Variants in FAM107A observed in about 807,000 individuals in gnomAD.
The protein encoded by FAM107A is family with sequence similarity 107 member A, also known as actin-associated protein FAM107A.
In FAM107A, 19 loss-of-function variants were observed where a neutral mutation model predicts 13.7. The observed-to-expected ratio is 1.38, with a 90% confidence interval of 0.97 to 2.03. The LOEUF (loss-of-function observed/expected upper bound fraction) is 2.03. Ranked by LOEUF, FAM107A falls within the 30% of genes most tolerant of loss-of-function variation. The pLI is 0.00. For synonymous variants in FAM107A, 82 were observed against 74.5 expected, an observed-to-expected ratio of 1.10 and a Z score of -0.52; for missense variants, 203 against 184.4, an observed-to-expected ratio of 1.10 and a Z score of -0.58.
chr3:58,575,085 T>G (rs556144468), intron 1 of FAM107A, among the ~76,000 whole-genome samples: 4 of 152,302 alleles, frequency 2.6e-5, no homozygotes, highest in African/African-American at 9.6e-5. Context: ...TCCCTTCCAC[T>G]TGCCTCTCCA....
rs71625690 is a variant in FAM107A, at chr3:58,565,435, A to ATTTTTTTTTTTT, written c.*1141_*1152dup. 1.2e-5 allele frequency: 1 copy of ATTTTTTTTTTTT among 82,322 alleles called. No homozygotes were observed. Among genetic ancestry groups the ATTTTTTTTTTTT allele is most frequent in the Admixed American group, 1.9e-4 (1 of 5,194 alleles). 5.1% of individuals were successfully genotyped at this position (82,322 alleles called of 1,614,324 possible). On this transcript the variant is annotated 3_prime_UTR_variant, in exon 4 of 4. Transcript: ENST00000360997. ...GACTAGGAAAAAGTAAAAAAAAAAA[A>ATTTTTTTTTTTT]TTTTTTTTTTTTTTTTTTTTTTTTT...
intron 1 of FAM107A, among the ~76,000 whole-genome samples, chr3:58,619,797 G>C (rs764358440): frequency 6.6e-6 from 1 of 152,224 alleles, no homozygotes; most frequent in East Asian, 1.9e-4. Context: ...TGATGAACAA[G>C]CCATGAGGGA....
At chr3:58,572,802 GC>G (rs2063697205) in intron 1 of FAM107A, 1 of 152,180 alleles carries the variant, frequency 6.6e-6, no homozygotes, top group Admixed American at 6.5e-5. Flanking sequence ...TAAGTTGCCG[GC>G]CAGCCAGTGG....
chr3:58,627,237 T>C lies in FAM107A; in HGVS notation c.-70+179A>G, dbSNP rs1223404755. On this transcript the variant is annotated intron_variant, in intron 1 of 3. Transcript: ENST00000465970. ...GGCCAGTGTCCCCAGGCGGCTTCTA[T>C]GCCCTTCTTGGGTCCCTGCAGCTCC... 16 of 540,014 alleles carry C rather than the reference T, an allele frequency of 3.0e-5. No individual in the cohort carries two copies. The South Asian group carries it at 4.1e-4, about 14-fold the overall frequency. 33.5% of individuals were successfully genotyped at this position (540,014 alleles called of 1,614,324 possible).
intron 1 of FAM107A, among the ~76,000 whole-genome samples, chr3:58,571,468 A>T (rs935697876): frequency 1.3e-5 from 2 of 151,980 alleles, no homozygotes; most frequent in Non-Finnish European, 1.5e-5. Context: ...CATCTTTTTC[A>T]TAAGGCTGTT....
At chr3:58,584,591 A>G (rs1289982800) in intron 1 of FAM107A, among the ~76,000 whole-genome samples, 1 of 152,218 alleles carries the variant, frequency 6.6e-6, no homozygotes, top group Admixed American at 6.5e-5. Context: ...AATGGAGATA[A>G]CAATTGGCAG....
At chr3:58,614,446 A>G (rs1033512067) in intron 1 of FAM107A, among the ~76,000 whole-genome samples, 1 of 151,618 alleles carries the variant, frequency 6.6e-6, no homozygotes, top group Non-Finnish European at 1.5e-5. Context: ...AAAAGAACTC[A>G]CCTATAAAAC....
At chr3:58,619,810 T>C (rs1436327239) in intron 1 of FAM107A, among the ~76,000 whole-genome samples, 1 of 152,242 alleles carries the variant, frequency 6.6e-6, no homozygotes, top group Admixed American at 6.5e-5. Flanking sequence ...ATGAGGGATT[T>C]TGCATTTGGC....
In FAM107A at chr3:58,565,858, A is replaced by G. The variant is rs1185407638; in HGVS notation, c.*730T>C. 6.6e-6 allele frequency: 1 copy of G among 152,172 alleles called. No individual in the cohort carries two copies. The highest frequency in any genetic ancestry group is 1.5e-5 in the Non-Finnish European group (1 of 68,028). The allele number at this position is 152,172 out of a possible 1,614,324, so 9.4% of individuals were successfully genotyped here. ...TTGAGTTAGAAGCTGTATTAACAAGATCCCCAGTGATTTTTATGCACAATC... is the reference window on the plus strand; with the variant it reads ...TTGAGTTAGAAGCTGTATTAACAAGGTCCCCAGTGATTTTTATGCACAATC... On this transcript the variant is annotated 3_prime_UTR_variant, in exon 4 of 4. Transcript: ENST00000360997.
chr3:58,571,449 T>C (rs985489321), intron 1 of FAM107A, among the ~76,000 whole-genome samples: 3 of 56,700 alleles, frequency 5.3e-5, no homozygotes, highest in Non-Finnish European at 7.5e-5. Context: ...TTAACTTCCC[T>C]TTTTTTCTCA....
rs186369160 is a variant in FAM107A at position 58,615,725 on chromosome 3, G to A, written c.-70+11691C>T. 2.6e-3 allele frequency among the ~76,000 whole-genome samples: 395 copies of A among 151,922 alleles called. 2 individuals are homozygous for A. Among genetic ancestry groups the A allele is most frequent in the African/African-American group, 9.0e-3 (374 of 41,400 alleles). ...AGCCTGGGCAACATGGTGAGACACTGTCTCTACAAAAATTACAAAAATTAG... is the reference window on the plus strand; with the variant it reads ...AGCCTGGGCAACATGGTGAGACACTATCTCTACAAAAATTACAAAAATTAG... On this transcript the variant is annotated intron_variant, in intron 1 of 3. Transcript: ENST00000465970.
chr3:58,568,881 TC>T (rs1486374933), intron 2 of FAM107A, among the ~76,000 whole-genome samples: 1 of 152,044 alleles, frequency 6.6e-6, no homozygotes, highest in Non-Finnish European at 1.5e-5. Context: ...AATTGCCCCA[TC>T]CCACCCCTGC....
At chr3:58,584,958 G>C (rs1575446438) in intron 1 of FAM107A, among the ~76,000 whole-genome samples, 1 of 152,084 alleles carries the variant, frequency 6.6e-6, no homozygotes, top group South Asian at 2.1e-4. Flanking sequence ...TCCTTGCTTT[G>C]TTTGTGCGTT....
intron 1 of FAM107A, among the ~76,000 whole-genome samples, chr3:58,573,087 G>A (rs370284419): frequency 2.0e-4 from 31 of 152,306 alleles, no homozygotes; most frequent in African/African-American, 7.5e-4. Context: ...GTGGATGATG[G>A]TATTTCCCTG....
chr3:58,597,647 T>C (rs2065719060), intron 1 of FAM107A, among the ~76,000 whole-genome samples: 1 of 152,224 alleles, frequency 6.6e-6, no homozygotes, highest in Non-Finnish European at 1.5e-5. Flanking sequence ...ACTTAATAAT[T>C]GTAGCAAACA....
At chr3:58,626,588 A>G (rs2066020013) in intron 1 of FAM107A, among the ~76,000 whole-genome samples, 1 of 152,218 alleles carries the variant, frequency 6.6e-6, no homozygotes, top group African/African-American at 2.4e-5. Flanking sequence ...ACAACTGGTA[A>G]CAGCTGGTTA....
At chr3:58,571,594 C>T (rs1255274667) in intron 1 of FAM107A, among the ~76,000 whole-genome samples, 2 of 152,092 alleles carry the variant, frequency 1.3e-5, no homozygotes, top group Non-Finnish European at 2.9e-5. Context: ...GTATCAGCTC[C>T]CACTCCTTAG....
In FAM107A at chr3:58,569,931, C is replaced by A. The variant is rs116197060; in HGVS notation, c.-5-66G>T. On this transcript the variant is annotated intron_variant, in intron 1 of 3. Coordinates refer to ENST00000360997, the MANE Select transcript of FAM107A (RefSeq NM_001076778.3). The surrounding 1 kb of genome is among the most constrained non-coding windows in gnomAD (Gnocchi z 5.7). ...TAATCTCACCCTGCCCCATGGGACA[C>A]AGTTGAAGGGCAAGGTTTTCATGTC... The A allele has an allele frequency of 3.2e-4, 488 of 1,505,062 alleles. 2 individuals are homozygous for A. In the African/African-American group the frequency reaches 6.3e-3, roughly 19 times the overall value. The allele number at this position is 1,505,062 out of a possible 1,614,324, so 93.2% of individuals were successfully genotyped here.
chr3:58,605,065 A>G (rs1238230102), intron 1 of FAM107A, among the ~76,000 whole-genome samples: 2 of 152,160 alleles, frequency 1.3e-5, no homozygotes, highest in Non-Finnish European at 2.9e-5. Flanking sequence ...CTCACCTCCA[A>G]ACTTTCTCCC....
Sources: allele counts gnomAD v4.1 joint callset (sites outside exome capture counted in the v4.1 genomes callset), GRCh38; gene constraint gnomAD v4.1.1; non-coding constraint Gnocchi (gnomAD v3.1); transcripts MANE v1.5; gene names NCBI Gene and HGNC (gene_info 2026-07-23, HGNC 2026-07-21).